The following B3GALNT2 variants were observed in gnomAD, a reference collection of about 807,000 sequenced individuals.
B3GALNT2 encodes the protein beta-1,3-N-acetylgalactosaminyltransferase 2.
B3GALNT2 carries 53 observed loss-of-function variants against 61.1 expected under a neutral mutation model. The observed-to-expected ratio is 0.87, with a 90% CI of 0.70 to 1.09. The LOEUF (loss-of-function observed/expected upper bound fraction) is 1.09. Among genes scored for constraint, B3GALNT2 ranks in the 50% least tolerant of loss-of-function variants. The probability of loss-of-function intolerance (pLI) is 0.00; values close to 1 mark genes in which losing one functional copy is unlikely to be tolerated. For synonymous variants in B3GALNT2, 223 were observed against 237.4 expected (o/e 0.94, Z 0.56); for missense variants, 544 against 623.0 (o/e 0.87, Z 1.35).
In B3GALNT2 at chr1:235,484,438, C is replaced by G. The variant is rs143983025; in HGVS notation, c.439G>C (p.Val147Leu). 271 of 1,614,054 alleles carry G rather than the reference C, an allele frequency of 1.7e-4. No individual in the cohort carries two copies. Among genetic ancestry groups the G allele is most frequent in the Non-Finnish European group, 2.1e-4 (245 of 1,180,042 alleles). The part of the protein sequence containing the change: ...SGLPEDRVVS[V>L]SFRVLYPIVI... ...ATGGGGTAGAGAACTCGGAAACTCA[C>G]GCTGACAACTCGATCCTCAGGCAGC... is the stretch of plus-strand genomic sequence containing the variant. Residue 147 changes from valine (V) to leucine (L), a missense_variant, in exon 4 of 12, where the codon GTG (valine) becomes CTG (leucine). Transcript: ENST00000366600.
At position 235,493,078 on chromosome 1, in the gene B3GALNT2, T is replaced by C. The variant is rs186523703; in HGVS notation, c.260+1603A>G. Among the ~76,000 whole-genome samples, 182 of 152,168 alleles carry C rather than the reference T, an allele frequency of 1.2e-3. 2 individuals carry two copies. The highest frequency in any genetic ancestry group is 4.1e-3 in the African/African-American group (169 of 41,514). On this transcript the variant is annotated intron_variant, in intron 2 of 11. Coordinates refer to ENST00000366600, the MANE Select transcript of B3GALNT2 (RefSeq NM_152490.5). ...AAAATAAAATGTAGGGGGTCAAAGGTAGAAGCAGTAAGTTCAGAGAAGGGG... is the reference window on the plus strand; with the variant it reads ...AAAATAAAATGTAGGGGGTCAAAGGCAGAAGCAGTAAGTTCAGAGAAGGGG...
At chr1:235,441,932 C>A in the B3GALNT2 span, 1 of 1,513,464 alleles carries the variant, frequency 6.6e-7, no homozygotes, top group Non-Finnish European at 9.2e-7. Context: ...TGCTTAGGTG[C>A]TGAAACAGTT....
At chr1:235,488,787 C>T (rs1214412376) in intron 3 of B3GALNT2, among the ~76,000 whole-genome samples, 1 of 149,392 alleles carries the variant, frequency 6.7e-6, no homozygotes, top group Non-Finnish European at 1.5e-5. Context: ...GGCATGGTGG[C>T]TCATGCCTGC....
At chr1:235,463,049 T>C (rs1160265095) in intron 7 of B3GALNT2, among the ~76,000 whole-genome samples, 1 of 152,048 alleles carries the variant, frequency 6.6e-6, no homozygotes, top group African/African-American at 2.4e-5. Context: ...TACTCAGCCA[T>C]AAAAAGAAAC....
At chr1:235,499,029 T>C (rs138923323) in intron 1 of B3GALNT2, among the ~76,000 whole-genome samples, 314 of 152,172 alleles carry the variant, frequency 2.1e-3, no homozygotes, top group African/African-American at 7.4e-3. Flanking sequence ...ACTCAGAAGA[T>C]CTTTATTAAT....
intron 1 of B3GALNT2, among the ~76,000 whole-genome samples, chr1:235,499,361 GGGT>G (rs1685484402): frequency 1.3e-5 from 2 of 152,086 alleles, no homozygotes; most frequent in African/African-American, 4.8e-5. Flanking sequence ...TTTTAAATCT[GGGT>G]GGTGATTAGT....
At chr1:235,492,045 C>T (rs1007787693) in intron 2 of B3GALNT2, among the ~76,000 whole-genome samples, 1 of 152,168 alleles carries the variant, frequency 6.6e-6, no homozygotes, top group Non-Finnish European at 1.5e-5. Context: ...CAAGCCCCTC[C>T]TAACACTCTA....
chr1:235,484,698 A>T (rs992122171), intron 3 of B3GALNT2, 183 bp from the exon 4 acceptor site: 1 of 1,159,136 alleles, frequency 8.6e-7, no homozygotes, highest in Non-Finnish European at 1.1e-6. Flanking sequence ...CATTTTTGAA[A>T]TTTAAGAATA....
At chr1:235,494,325 C>T (rs1189235814) in intron 2 of B3GALNT2, among the ~76,000 whole-genome samples, 1 of 152,132 alleles carries the variant, frequency 6.6e-6, no homozygotes, top group Non-Finnish European at 1.5e-5. Flanking sequence ...TATCATTTGG[C>T]TTAAAATGTT....
At chr1:235,480,904 T>G (rs1179893598) in intron 4 of B3GALNT2, among the ~76,000 whole-genome samples, 1 of 48,600 alleles carries the variant, frequency 2.1e-5, no homozygotes, top group Non-Finnish European at 3.3e-5. Context: ...AGACTCTGTC[T>G]CAAAAAAAAA....
At chr1:235,498,105 T>C (rs1685412330) in intron 1 of B3GALNT2, among the ~76,000 whole-genome samples, 1 of 152,238 alleles carries the variant, frequency 6.6e-6, no homozygotes. Flanking sequence ...TTTAACCACA[T>C]ACCATTAATG....
chr1:235,441,963 G>A, the B3GALNT2 span: 4 of 1,243,998 alleles, frequency 3.2e-6, no homozygotes, highest in African/African-American at 1.5e-5. Context: ...TCTTAAGTGT[G>A]TACCTCTTAA....
At chr1:235,488,975 C>T (rs189671999) in intron 3 of B3GALNT2, among the ~76,000 whole-genome samples, 193 bp downstream of exon 3, 6 of 151,914 alleles carry the variant, frequency 3.9e-5, no homozygotes, top group East Asian at 1.9e-4. Context: ...GCTTGAGCCC[C>T]GGAGTTTGAG....
At position 235,448,019 on chromosome 1, in the gene B3GALNT2, G is replaced by T. The variant is rs184489492; in HGVS notation, c.*2187C>A. The stretch of plus-strand genomic sequence containing the variant: ...AGGTCAGGAGTTCAAGACCAGCCTG[G>T]CCAACATGGTGAAACCCCGTCTCTA... On this transcript the variant is annotated 3_prime_UTR_variant, in exon 12 of 12. Coordinates refer to ENST00000366600, the MANE Select transcript of B3GALNT2 (RefSeq NM_152490.5). Among the ~76,000 whole-genome samples the T allele has an allele frequency of 9.5e-4, 145 of 152,100 alleles. No individual in the cohort carries two copies. In the Middle Eastern group the frequency reaches 0.014, roughly 14 times the overall value.
intron 6 of B3GALNT2, among the ~76,000 whole-genome samples, chr1:235,469,903 G>A (rs763137587): frequency 2.5e-4 from 38 of 150,566 alleles, no homozygotes; most frequent in Admixed American, 4.0e-4. Flanking sequence ...TTTTTTGTTT[G>A]TTTGTTTGTT....
At chr1:235,498,736 C>T (rs1454922140) in intron 1 of B3GALNT2, among the ~76,000 whole-genome samples, 6 of 149,384 alleles carry the variant, frequency 4.0e-5, no homozygotes, top group South Asian at 2.1e-4. Context: ...CCCAGCTACT[C>T]GGGAGGCTGA....
intron 7 of B3GALNT2, among the ~76,000 whole-genome samples, chr1:235,462,847 A>G (rs1683494961): frequency 6.6e-6 from 1 of 152,204 alleles, no homozygotes; most frequent in Non-Finnish European, 1.5e-5. Context: ...AGATTCCTTG[A>G]AGAACTAAAG....
At chr1:235,490,098 G>A (rs887821484) in intron 2 of B3GALNT2, among the ~76,000 whole-genome samples, 3 of 152,010 alleles carry the variant, frequency 2.0e-5, no homozygotes, top group African/African-American at 7.2e-5. Flanking sequence ...CACTGAGAGT[G>A]GTATTAGTCT....
downstream of B3GALNT2, among the ~76,000 whole-genome samples, chr1:235,443,688 T>C (rs964897646): frequency 6.6e-6 from 1 of 152,194 alleles, no homozygotes; most frequent in Non-Finnish European, 1.5e-5. Flanking sequence ...TTTGTGACTT[T>C]GCTTACATTC....
Sources: gnomAD v4.1 joint callset for allele counts (sites outside exome capture counted in the v4.1 genomes callset) on GRCh38, gnomAD v4.1.1 for gene constraint, MANE v1.5 for transcripts, NCBI Gene and HGNC (gene_info 2026-07-23, HGNC 2026-07-21) for gene names.